PRKN: variants seen among roughly 807,000 people sequenced by gnomAD.
PRKN encodes E3 ubiquitin-protein ligase parkin.
A neutral mutation model predicts 59.5 loss-of-function variants in PRKN; 56 were observed. The observed-to-expected ratio is 0.94, with a 90% CI of 0.76 to 1.18. The LOEUF is 1.18. Among genes scored for constraint, PRKN ranks in the 50% most tolerant of loss-of-function variants. The pLI is 0.00. For missense variants in PRKN, 657 were observed against 596.4 expected (o/e 1.10, Z -1.06); for synonymous variants, 250 against 222.1 (o/e 1.13, Z -1.12).
intron 6 of PRKN, among the ~76,000 whole-genome samples, chr6:161,901,017 G>T (rs1377388578): frequency 2.0e-5 from 3 of 151,102 alleles, no homozygotes; most frequent in Non-Finnish European, 1.5e-5. Flanking sequence ...CCAGGTTCAA[G>T]CAACTTTCCT....
At chr6:161,762,932 C>CA (rs1489625526) in intron 7 of PRKN, among the ~76,000 whole-genome samples, 3 of 151,696 alleles carry the variant, frequency 2.0e-5, no homozygotes, top group Non-Finnish European at 4.4e-5. Context: ...TTTAAGTAGA[C>CA]AAAAAATGGA....
intron 4 of PRKN, among the ~76,000 whole-genome samples, chr6:162,090,647 A>C (rs1472418849): frequency 6.6e-6 from 1 of 152,232 alleles, no homozygotes; most frequent in Non-Finnish European, 1.5e-5. Context: ...ACAAGTGTCT[A>C]ATTGCAATAC....
intron 1 of PRKN, among the ~76,000 whole-genome samples, chr6:162,486,902 T>C (rs1357225638): frequency 6.6e-6 from 1 of 151,974 alleles, no homozygotes; most frequent in Non-Finnish European, 1.5e-5. Context: ...AAATCCCATC[T>C]CTACTAAAAA....
At chr6:161,805,645 T>C (rs1365818525) in intron 6 of PRKN, among the ~76,000 whole-genome samples, 1 of 152,144 alleles carries the variant, frequency 6.6e-6, no homozygotes, top group Non-Finnish European at 1.5e-5. Flanking sequence ...CTGTGTGCAT[T>C]GGTTTGCACA....
intron 3 of PRKN, among the ~76,000 whole-genome samples, chr6:162,230,174 G>A (rs1373822069): frequency 6.6e-6 from 1 of 152,226 alleles, no homozygotes; most frequent in African/African-American, 2.4e-5. Context: ...CATTACATAT[G>A]TATATATGCA....
chr6:162,553,063 G>A (rs1441598193), intron 1 of PRKN, among the ~76,000 whole-genome samples: 1 of 152,124 alleles, frequency 6.6e-6, no homozygotes, highest in East Asian at 1.9e-4. Context: ...AAATGGGAAG[G>A]GAAAATGGGG....
At chr6:162,494,114 T>A (rs1792943790) in intron 1 of PRKN, among the ~76,000 whole-genome samples, 1 of 152,192 alleles carries the variant, frequency 6.6e-6, no homozygotes, top group South Asian at 2.1e-4. Flanking sequence ...TTTCCCAGAA[T>A]CCCATTCTCT....
At chr6:162,475,054 T>G (rs944082681) in intron 1 of PRKN, among the ~76,000 whole-genome samples, 2 of 152,210 alleles carry the variant, frequency 1.3e-5, no homozygotes, top group African/African-American at 4.8e-5. Flanking sequence ...GGAATCATAT[T>G]TACCTTCTGA....
intron 7 of PRKN, among the ~76,000 whole-genome samples, chr6:161,724,367 C>T (rs1787353090): frequency 6.6e-6 from 1 of 152,222 alleles, no homozygotes; most frequent in Non-Finnish European, 1.5e-5. Flanking sequence ...AAGTGACAGT[C>T]ATATTCTGCA....
chr6:162,151,059 G>A (rs546275841), intron 4 of PRKN, among the ~76,000 whole-genome samples: 31 of 152,274 alleles, frequency 2.0e-4, no homozygotes, highest in African/African-American at 7.2e-4. Flanking sequence ...CAGCAGGGAC[G>A]ATCCTAAATT....
intron 9 of PRKN, among the ~76,000 whole-genome samples, chr6:161,521,138 G>T (rs917328301): frequency 6.6e-6 from 1 of 152,178 alleles, no homozygotes; most frequent in Non-Finnish European, 1.5e-5. Flanking sequence ...TTATTAGACA[G>T]TGTCAGAGTT....
chr6:161,643,967 T>C (rs1451372748), intron 7 of PRKN, among the ~76,000 whole-genome samples: 2 of 99,602 alleles, frequency 2.0e-5, no homozygotes, highest in Non-Finnish European at 4.6e-5. Flanking sequence ...TTAAGATATC[T>C]TGGTGGGGGG....
chr6:161,772,772 C>T (rs912586283), intron 7 of PRKN, among the ~76,000 whole-genome samples: 3 of 151,898 alleles, frequency 2.0e-5, no homozygotes, highest in African/African-American at 7.3e-5. Context: ...AACACACATC[C>T]CTCAACCCAA....
At chr6:162,210,107 A>AAAAGTAAAATAAAATAAAAT (rs1785140506) in intron 3 of PRKN, among the ~76,000 whole-genome samples, 2 of 144,162 alleles carry the variant, frequency 1.4e-5, no homozygotes, top group Non-Finnish European at 3.0e-5. Context: ...TATAATAATA[A>AAAAGTAAAATAAAATAAAAT]AAAATAAAAT....
At position 162,710,812 on chromosome 6, in the gene PRKN, A is replaced by G. The variant is rs111449161; in HGVS notation, c.7+16850T>C. Among the ~76,000 whole-genome samples, 784 of 152,282 alleles carry G rather than the reference A, an allele frequency of 5.1e-3. 7 individuals carry two copies. The highest frequency in any genetic ancestry group is 0.017 in the African/African-American group (716 of 41,558). On this transcript the variant is annotated intron_variant, in intron 1 of 11. Coordinates refer to ENST00000366898, the MANE Select transcript of PRKN (RefSeq NM_004562.3). ...TTATCCTGCAACTAAGCTCTTGTGGAGAAAAATGAACAGCTGAAATCCCAT... is the reference window on the plus strand; with the variant it reads ...TTATCCTGCAACTAAGCTCTTGTGGGGAAAAATGAACAGCTGAAATCCCAT...
chr6:161,873,741 T>C (rs2128227160), intron 6 of PRKN, among the ~76,000 whole-genome samples: 1 of 151,608 alleles, frequency 6.6e-6, no homozygotes, highest in Non-Finnish European at 1.5e-5. Flanking sequence ...CCTTGAAATC[T>C]TTGCCCTATT....
Position 161,459,828 on chromosome 6 carries a change from CT to C in PRKN, c.1084-72952del, listed in dbSNP as rs554675640. Among the ~76,000 whole-genome samples, 52 of 152,198 alleles carry C rather than the reference CT, an allele frequency of 3.4e-4. 1 individual carries two copies. In the South Asian group the frequency reaches 8.3e-3, roughly 24 times the overall value. ...TTTAGAGGCTTTCAATGACTTACCC[CT>C]AATGGGAGATTTCTGGCCCAGAAAT... On this transcript the variant is annotated intron_variant, in intron 9 of 11. Transcript: ENST00000366898. The surrounding 1 kb of genome is among the most constrained non-coding windows in gnomAD (Gnocchi z 4.8).
In PRKN at chr6:161,468,472, C is replaced by T. The variant is rs2115185155; in HGVS notation, c.1083+80382G>A. Among the ~76,000 whole-genome samples the T allele has an allele frequency of 6.6e-6, 1 of 152,282 alleles. No homozygotes were observed. Among genetic ancestry groups the T allele is most frequent in the Admixed American group, 6.5e-5 (1 of 15,294 alleles). ...TTTAAATGGCAAGGGGGTACTTCAG[C>T]CTGACTCCATTTTTGCCTCACTCCC... On this transcript the variant is annotated intron_variant, in intron 9 of 11. Coordinates refer to ENST00000366898, the MANE Select transcript of PRKN (RefSeq NM_004562.3). This position sits in a 1 kb window ranked among gnomAD's most constrained non-coding sequence, Gnocchi z 5.9.
chr6:162,294,730 A>G (rs1781590083), intron 2 of PRKN, among the ~76,000 whole-genome samples: 2 of 151,984 alleles, frequency 1.3e-5, no homozygotes, highest in African/African-American at 4.8e-5. Flanking sequence ...TAAGAATAGA[A>G]TAAGAGTAAA....
Sources: gnomAD v4.1 joint callset for allele counts (sites outside exome capture counted in the v4.1 genomes callset) on GRCh38, gnomAD v4.1.1 for gene constraint, Gnocchi (gnomAD v3.1) non-coding constraint, MANE v1.5 for transcripts, NCBI Gene and HGNC (gene_info 2026-07-23, HGNC 2026-07-21) for gene names.